PGM3: variants seen among roughly 807,000 people sequenced by gnomAD.
PGM3 encodes phosphoglucomutase 3.
A neutral mutation model predicts 66.2 loss-of-function variants in PGM3; 40 were observed. The ratio of observed to expected loss-of-function variants is 0.60; its 90% confidence interval spans 0.47 to 0.79. The LOEUF (loss-of-function observed/expected upper bound fraction) is 0.79, where lower values mean the gene tolerates loss of function less well. Among genes scored for constraint, PGM3 ranks in the 30% least tolerant of loss-of-function variants. The pLI is 0.00. For synonymous variants in PGM3, 191 were observed against 224.2 expected (o/e 0.85, Z 1.32); for missense variants, 537 against 643.4 (o/e 0.83, Z 1.79).
intron 1 of PGM3, among the ~76,000 whole-genome samples, chr6:83,191,958 C>CAAAAAAAAAAAAAAAA (rs1219337174): frequency 1.8e-4 from 7 of 39,364 alleles, no homozygotes; most frequent in Non-Finnish European, 2.8e-4. Context: ...GACTCGGTCT[C>CAAAAAAAAAAAAAAAA]AAAAAAAAAA....
At chr6:83,186,378 G>A (rs1052417830) in intron 4 of PGM3, among the ~76,000 whole-genome samples, 12 of 152,134 alleles carry the variant, frequency 7.9e-5, no homozygotes, top group South Asian at 4.1e-4. Context: ...CAGACTGACC[G>A]TGCAGGAAGG....
At chr6:83,158,423 C>T (rs934654054), downstream of PGM3, 6 of 695,168 alleles carry the variant, frequency 8.6e-6, no homozygotes, top group African/African-American at 1.8e-5. Flanking sequence ...TGCAGTTTTA[C>T]CTTCAGAAAC....
intron 9 of PGM3, among the ~76,000 whole-genome samples, chr6:83,174,880 T>C (rs1787639307): frequency 6.6e-6 from 1 of 152,226 alleles, no homozygotes; most frequent in South Asian, 2.1e-4. Context: ...TTGCAGCTAG[T>C]ATAGTTTTAT....
At chr6:83,160,472 T>G (rs115232394), downstream of PGM3, among the ~76,000 whole-genome samples, 63 of 152,328 alleles carry the variant, frequency 4.1e-4, no homozygotes, top group African/African-American at 1.3e-3. Flanking sequence ...ATGTAAGACC[T>G]TGTAAGCTGT....
downstream of PGM3, among the ~76,000 whole-genome samples, chr6:83,164,096 G>T (rs959553689): frequency 5.4e-5 from 8 of 147,146 alleles, no homozygotes; most frequent in Non-Finnish European, 1.0e-4. Context: ...TGTCTGGTGA[G>T]ATCTAGTATG....
At chr6:83,182,699 T>TG (rs1291614580) in intron 5 of PGM3, 146 bp downstream of exon 5, 9 of 701,154 alleles carry the variant, frequency 1.3e-5, no homozygotes, top group Non-Finnish European at 2.1e-5. Context: ...CAGAACCTTG[T>TG]GTAGCCCTAG....
intron 8 of PGM3, 111 bp downstream of exon 8, chr6:83,178,562 G>A (rs1787943590): frequency 1.4e-6 from 1 of 703,674 alleles, no homozygotes. Flanking sequence ...TACATGAACA[G>A]CAGCTCAGCT....
Position 83,175,962 on chromosome 6 carries a change from A to G in PGM3, c.1128T>C (p.Thr376=). 6.3e-7 allele frequency: 1 copy of G among 1,579,110 alleles called. No individual in the cohort carries two copies. The highest frequency in any genetic ancestry group is 2.2e-5 in the East Asian group (1 of 44,728). Residue 376 remains threonine, a splice_region_variant and synonymous_variant, in exon 9 of 13, where the codon ACT becomes ACC. Coordinates refer to ENST00000513973, the MANE Select transcript of PGM3 (RefSeq NM_015599.3). ...GVYFEANGHG[T]ALFSTAVEMK... is the part of the protein sequence containing the mutation. ...GCCAACTATAATTAAGAGAACTTACAGTGCCATGCCCATTTGCTTCAAAAT... is the reference window on the plus strand; with the variant it reads ...GCCAACTATAATTAAGAGAACTTACGGTGCCATGCCCATTTGCTTCAAAAT...
chr6:83,181,698 C>T, intron 6 of PGM3, 38 bp downstream of exon 6: 2 of 1,434,218 alleles, frequency 1.4e-6, no homozygotes, highest in African/African-American at 1.4e-5. Flanking sequence ...CTTCAAAGAG[C>T]ATTAAAAACA....
At chr6:83,158,750 G>A (rs7742264), downstream of PGM3, 853 of 695,114 alleles carry the variant, frequency 1.2e-3, 4 homozygotes, top group African/African-American at 0.014. Context: ...AATTGATTAC[G>A]TTTGGATATA....
In PGM3 at chr6:83,182,944, G is replaced by T; in HGVS notation, c.492C>A (p.Tyr164Ter). 1 of 1,613,876 alleles carries T rather than the reference G, an allele frequency of 6.2e-7. No individual in the cohort carries two copies. Among genetic ancestry groups the T allele is most frequent in the Non-Finnish European group, 8.5e-7 (1 of 1,179,794 alleles). ...YGLLTTPQLH[Y>*]MVYCRNTGGR... ...CACCCGTGTTTCGACAATACACCAT[G>T]TAGTGCAGCTGGGGTGTTGTTAACA... is the stretch of plus-strand genomic sequence containing the variant. Residue 164 changes from tyrosine to a stop codon, truncating the protein, a stop_gained, in exon 5 of 13, where the codon TAC (tyrosine) becomes TAA (stop). Transcript: ENST00000513973. LOFTEE classifies it high-confidence loss of function.
At chr6:83,155,343 T>C in the PGM3 span, among the ~76,000 whole-genome samples, 1 of 151,284 alleles carries the variant, frequency 6.6e-6, no homozygotes, top group East Asian at 1.9e-4. Context: ...GGTATGTACC[T>C]GTAGTCTCAG....
chr6:83,173,838 A>G (rs1583263227), intron 10 of PGM3, among the ~76,000 whole-genome samples: 2 of 152,038 alleles, frequency 1.3e-5, no homozygotes, highest in Non-Finnish European at 2.9e-5. Context: ...CCGGGTTCAC[A>G]CCATGCTCCT....
downstream of PGM3, among the ~76,000 whole-genome samples, chr6:83,157,719 A>G (rs113098668): frequency 6.6e-5 from 10 of 152,140 alleles, no homozygotes; most frequent in Non-Finnish European, 1.2e-4. Context: ...TATTACATAT[A>G]CTCACTCTTG....
intron 2 of PGM3, among the ~76,000 whole-genome samples, chr6:83,189,262 C>T (rs974798045): frequency 1.2e-4 from 19 of 152,138 alleles, no homozygotes; most frequent in African/African-American, 4.3e-4. Context: ...CACTATGACT[C>T]GGAACTCCAA....
chr6:83,153,477 C>A, the PGM3 span: 1 of 1,422,052 alleles, frequency 7.0e-7, no homozygotes, highest in Non-Finnish European at 9.7e-7. Flanking sequence ...AGTTTCACCT[C>A]ATATGTTACT....
rs897459315 is a variant in PGM3, at chr6:83,166,238, C to T, written c.*2996G>A. 3 of 513,182 alleles carry T rather than the reference C, an allele frequency of 5.8e-6. No individual in the cohort carries two copies. Among genetic ancestry groups the T allele is most frequent in the East Asian group, 6.0e-5 (2 of 33,506 alleles). The allele number at this position is 513,182 out of a possible 1,614,324, so 31.8% of individuals were successfully genotyped here. Reference sequence around the variant, plus strand: ...AAATGCCGAACGACCATAAAATGGTCAACATTGAGTTCTTGGGCAGCTCTC... The same window carrying T: ...AAATGCCGAACGACCATAAAATGGTTAACATTGAGTTCTTGGGCAGCTCTC... On this transcript the variant is annotated 3_prime_UTR_variant, in exon 13 of 13. Transcript: ENST00000513973.
chr6:83,161,969 A>G (rs760313559), downstream of PGM3, among the ~76,000 whole-genome samples: 2 of 152,170 alleles, frequency 1.3e-5, no homozygotes, highest in Non-Finnish European at 2.9e-5. Context: ...TGTTAAAAAG[A>G]ATGAAGTTTT....
At chr6:83,189,938 A>G (rs981666398) in intron 2 of PGM3, among the ~76,000 whole-genome samples, 1 of 152,214 alleles carries the variant, frequency 6.6e-6, no homozygotes, top group Admixed American at 6.5e-5. Flanking sequence ...TAAAAAAGTG[A>G]AACTCACAGA....
Sources: allele counts gnomAD v4.1 joint callset (sites outside exome capture counted in the v4.1 genomes callset), GRCh38; gene constraint gnomAD v4.1.1; transcripts MANE v1.5; gene names NCBI Gene and HGNC (gene_info 2026-07-23, HGNC 2026-07-21).